Variants in SMAD6 observed in about 807,000 individuals in gnomAD.
SMAD6 encodes the protein SMAD family member 6.
Under a neutral mutation model 39.4 loss-of-function variants are expected in SMAD6, and 103 were observed. The observed-to-expected ratio is 2.62, with a 90% CI of 2.23 to 3.08. The LOEUF (loss-of-function observed/expected upper bound fraction) is 3.08, where lower values mean the gene tolerates loss of function less well. SMAD6 is among the 30% of genes most tolerant of loss of function. The pLI, the probability that SMAD6 is intolerant of heterozygous loss-of-function variation, is 0.00. For synonymous variants in SMAD6, 445 were observed against 353.3 expected (o/e 1.26, Z -2.91); for missense variants, 1,104 against 742.9 (o/e 1.49, Z -5.65).
intron 3 of SMAD6, among the ~76,000 whole-genome samples, chr15:66,768,942 T>G (rs750170940): frequency 1.3e-5 from 2 of 152,218 alleles, no homozygotes; most frequent in Non-Finnish European, 2.9e-5. Flanking sequence ...TGGAGACACG[T>G]ACCCTTCTGT....
At chr15:66,737,374 TC>T (rs1405688990) in intron 3 of SMAD6, among the ~76,000 whole-genome samples, 4 of 152,138 alleles carry the variant, frequency 2.6e-5, no homozygotes, top group African/African-American at 4.8e-5. Flanking sequence ...ACCCCATCCT[TC>T]ATTGACTCAT....
chr15:66,763,250 A>C (rs1185897755), intron 3 of SMAD6, among the ~76,000 whole-genome samples: 1 of 152,018 alleles, frequency 6.6e-6, no homozygotes, highest in Non-Finnish European at 1.5e-5. Flanking sequence ...GGTGCTCTGC[A>C]CTCCTCAGGG....
chr15:66,735,220 A>G (rs1054253034), intron 3 of SMAD6, among the ~76,000 whole-genome samples: 16 of 152,216 alleles, frequency 1.1e-4, no homozygotes, highest in African/African-American at 3.6e-4. Context: ...ACCATAGTCC[A>G]GGGCTGGGTG....
intron 3 of SMAD6, among the ~76,000 whole-genome samples, chr15:66,754,351 G>C (rs1304872949): frequency 2.0e-5 from 3 of 152,158 alleles, no homozygotes; most frequent in Admixed American, 6.5e-5. Context: ...ACCGAGCTTT[G>C]CGGTATTCAG....
intron 3 of SMAD6, 113 bp from the exon 4 acceptor site, chr15:66,780,884 C>A: frequency 9.1e-7 from 1 of 1,095,044 alleles, no homozygotes; most frequent in Non-Finnish European, 1.3e-6. Flanking sequence ...CTGCTGAATG[C>A]TGGAAACCTT....
intron 3 of SMAD6, among the ~76,000 whole-genome samples, chr15:66,728,072 T>C (rs573794408): frequency 7.2e-5 from 11 of 152,180 alleles, no homozygotes; most frequent in Non-Finnish European, 1.5e-4. Flanking sequence ...AGGCTGGTCT[T>C]AAACTCCCGA....
Position 66,781,927 on chromosome 15 carries a change from G to A in SMAD6, c.*392G>A, listed in dbSNP as rs1440095996. Reference sequence around the variant, plus strand: ...CCTGGGTTTGGTGTATGGTTTTTGAGATATTAATGCCCAGACAAAAAGCTA... The same window carrying A: ...CCTGGGTTTGGTGTATGGTTTTTGAAATATTAATGCCCAGACAAAAAGCTA... On this transcript the variant is annotated 3_prime_UTR_variant, in exon 4 of 4. Coordinates refer to ENST00000288840, the MANE Select transcript of SMAD6 (RefSeq NM_005585.5). 3.3e-5 allele frequency: 13 copies of A among 398,740 alleles called. No individual in the cohort carries two copies. The highest frequency in any genetic ancestry group is 3.2e-4 in the East Asian group (9 of 28,062). 24.7% of individuals were successfully genotyped at this position (398,740 alleles called of 1,614,324 possible). A position where few individuals can be genotyped will look rare whatever the true frequency, so the allele number is the denominator to read the frequency against.
At chr15:66,777,156 C>T (rs1041606674) in intron 3 of SMAD6, among the ~76,000 whole-genome samples, 5 of 152,234 alleles carry the variant, frequency 3.3e-5, no homozygotes, top group South Asian at 2.1e-4. Context: ...ATAATGTCAG[C>T]GGATACTCGA....
chr15:66,749,122 C>T (rs1016845612), intron 3 of SMAD6, among the ~76,000 whole-genome samples: 1 of 152,042 alleles, frequency 6.6e-6, no homozygotes, highest in Non-Finnish European at 1.5e-5. Flanking sequence ...CACAGGAGTT[C>T]AAGACTAGCC....
intron 3 of SMAD6, among the ~76,000 whole-genome samples, chr15:66,745,831 CCT>C (rs1257143064): frequency 3.9e-5 from 6 of 152,200 alleles, no homozygotes; most frequent in African/African-American, 1.2e-4. Context: ...GTTCTTTCCA[CCT>C]CTGTTTCTCT....
At chr15:66,731,278 A>AATACAAAAATT (rs1173916851) in intron 3 of SMAD6, among the ~76,000 whole-genome samples, 2 of 151,642 alleles carry the variant, frequency 1.3e-5, no homozygotes, top group African/African-American at 4.9e-5. Context: ...CTCTACTAAA[A>AATACAAAAATT]ATACAAAAAA....
At chr15:66,721,475 G>A (rs1893431210) in intron 3 of SMAD6, among the ~76,000 whole-genome samples, 1 of 152,170 alleles carries the variant, frequency 6.6e-6, no homozygotes, top group African/African-American at 2.4e-5. Context: ...AGTGTGTTCT[G>A]AGTCCCTGTA....
chr15:66,781,378 G>T lies in SMAD6; in HGVS notation c.1334G>T (p.Gly445Val). ...SIKVFDFERS[G>V]LQHAPEPDAA... is the part of the protein sequence containing the mutation. ...AAGGTGTTCGACTTCGAGCGCTCGGGCCTGCAGCACGCGCCCGAGCCCGAC... is the reference window on the plus strand; with the variant it reads ...AAGGTGTTCGACTTCGAGCGCTCGGTCCTGCAGCACGCGCCCGAGCCCGAC... Residue 445 changes from glycine to valine, a missense_variant, in exon 4 of 4, where the codon GGC becomes GTC. Gly to Val is a moderately radical substitution (Grantham distance 109). Coordinates refer to ENST00000288840, the MANE Select transcript of SMAD6 (RefSeq NM_005585.5). The T allele has an allele frequency of 6.2e-7, 1 of 1,601,766 alleles. No homozygotes were observed. The highest frequency in any genetic ancestry group is 8.5e-7 in the Non-Finnish European group (1 of 1,177,398).
intron 2 of SMAD6, among the ~76,000 whole-genome samples, chr15:66,713,306 A>G (rs1284372062): frequency 3.9e-5 from 6 of 152,156 alleles, no homozygotes; most frequent in African/African-American, 1.4e-4. Flanking sequence ...TGTCAGCATC[A>G]TCTGGGAGGT....
At chr15:66,757,116 T>C in intron 3 of SMAD6, among the ~76,000 whole-genome samples, 1 of 152,196 alleles carries the variant, frequency 6.6e-6, no homozygotes, top group East Asian at 1.9e-4. Context: ...ATCTGTAGTG[T>C]ACGTGATAGT....
chr15:66,757,314 G>A (rs1005574335), intron 3 of SMAD6, among the ~76,000 whole-genome samples: 1 of 152,176 alleles, frequency 6.6e-6, no homozygotes, highest in African/African-American at 2.4e-5. Context: ...TGTCTAGGGG[G>A]TGTCAGACAT....
At chr15:66,763,290 G>A (rs547861427) in intron 3 of SMAD6, among the ~76,000 whole-genome samples, 18 of 152,312 alleles carry the variant, frequency 1.2e-4, no homozygotes, top group African/African-American at 3.6e-4. Flanking sequence ...GCAGGGTAGC[G>A]CCAGGACAGG....
chr15:66,704,052 ACTT>A lies in SMAD6; in HGVS notation c.796_798del (p.Phe266del). 1 of 1,503,308 alleles carries A rather than the reference ACTT, an allele frequency of 6.7e-7. No homozygotes were observed. The highest frequency in any genetic ancestry group is 8.8e-7 in the Non-Finnish European group (1 of 1,134,912). The allele number at this position is 1,503,308 out of a possible 1,614,324, so 93.1% of individuals were successfully genotyped here. ...CCTACCGTGTGCTGCAACCCCTACC[ACTT>A]CAGCCGGCTCTGCGGGCCCGGTGAG... is the stretch of plus-strand genomic sequence containing the variant. On this transcript the variant is annotated inframe_deletion, in exon 1 of 4. Coordinates refer to ENST00000288840, the MANE Select transcript of SMAD6 (RefSeq NM_005585.5).
At chr15:66,710,164 A>G (rs1893200133) in intron 1 of SMAD6, among the ~76,000 whole-genome samples, 1 of 152,190 alleles carries the variant, frequency 6.6e-6, no homozygotes, top group Non-Finnish European at 1.5e-5. Flanking sequence ...TCATCTGTAA[A>G]ATGGGGATAA....
Sources: allele counts gnomAD v4.1 joint callset (sites outside exome capture counted in the v4.1 genomes callset), GRCh38; gene constraint gnomAD v4.1.1; transcripts MANE v1.5; gene names NCBI Gene and HGNC (gene_info 2026-07-23, HGNC 2026-07-21).